MAP3K7: variants seen among roughly 807,000 people sequenced by gnomAD.
MAP3K7 encodes TGF-beta activated kinase 1.
Under a neutral mutation model 84.8 loss-of-function variants are expected in MAP3K7, and 21 were observed. The observed-to-expected ratio is 0.25, with a 90% CI of 0.18 to 0.36. The LOEUF (loss-of-function observed/expected upper bound fraction) is 0.36, where lower values mean the gene tolerates loss of function less well. Ranked by LOEUF, MAP3K7 falls within the 10% of genes least tolerant of loss-of-function variation. The pLI is 1.00. For synonymous variants in MAP3K7, 241 were observed against 247.7 expected (o/e 0.97, Z 0.25); for missense variants, 503 against 747.7 (o/e 0.67, Z 3.82).
intron 13 of MAP3K7, among the ~76,000 whole-genome samples, chr6:90,525,604 G>A (rs964893725): frequency 2.6e-5 from 4 of 152,146 alleles, no homozygotes; most frequent in Non-Finnish European, 5.9e-5. Flanking sequence ...GTCTTGCTCT[G>A]TTGCCCAGGC....
rs1358139769 is a variant in MAP3K7 at position 90,586,316 on chromosome 6, G to T, written c.120+448C>A. Among the ~76,000 whole-genome samples the T allele has an allele frequency of 4.8e-5, 7 of 146,484 alleles. No individual in the cohort carries two copies. The South Asian group carries it at 1.3e-3, about 27-fold the overall frequency. On this transcript the variant is annotated intron_variant, in intron 1 of 16. Transcript: ENST00000369329. ...GAACCCGGGAAGCGGAGCTTGCAGT[G>T]AGCCGAGATTGCGCCACTGCAGTCC...
In MAP3K7 at chr6:90,519,406, T is replaced by C. The variant is rs1775075592; in HGVS notation, c.1463-87A>G. 6 of 806,948 alleles carry C rather than the reference T, an allele frequency of 7.4e-6. No individual in the cohort carries two copies. The South Asian group carries it at 8.0e-5, about 11-fold the overall frequency. The allele number at this position is 806,948 out of a possible 1,614,324, so 50.0% of individuals were successfully genotyped here. ...GAAAGCATGAATGAAATGCTTTTTT[T>C]CCCTAAAGTAAATAATATGTAAATT... On this transcript the variant is annotated intron_variant, in intron 14 of 16. Coordinates refer to ENST00000369329, the MANE Select transcript of MAP3K7 (RefSeq NM_145331.3).
In MAP3K7 at chr6:90,523,778, G is replaced by A; in HGVS notation, c.1362C>T (p.Ser454=). 1 of 1,580,556 alleles carries A rather than the reference G, an allele frequency of 6.3e-7. No individual in the cohort carries two copies. Among genetic ancestry groups the A allele is most frequent in the African/African-American group, 1.3e-5 (1 of 74,262 alleles). ...TVTGTEPGQV[S]SRSSSPSVRM... The stretch of plus-strand genomic sequence containing the variant: ...TGACACTGGGACTGGATGACCTACT[G>A]CTCACCTACAGGAAGAAGTCACAGG... The change falls in exon 14 of 17, where the codon AGC becomes AGT. Residue 454 remains serine, a synonymous_variant. Coordinates refer to ENST00000369329, the MANE Select transcript of MAP3K7 (RefSeq NM_145331.3).
chr6:90,553,328 C>G, intron 7 of MAP3K7, 130 bp downstream of exon 7: 2 of 922,614 alleles, frequency 2.2e-6, no homozygotes. Flanking sequence ...AATAGCAAAG[C>G]AGTCTCTTAA....
chr6:90,572,656 G>A (rs1013690353), intron 1 of MAP3K7, among the ~76,000 whole-genome samples: 9 of 151,484 alleles, frequency 5.9e-5, no homozygotes, highest in Non-Finnish European at 8.8e-5. Context: ...CACTTCAAAT[G>A]GGTGAATTTT....
Position 90,553,438 on chromosome 6 carries a change from A to T in MAP3K7, c.736+20T>A, listed in dbSNP as rs1242096692. 1 of 1,601,790 alleles carries T rather than the reference A, an allele frequency of 6.2e-7. No individual in the cohort carries two copies. The highest frequency in any genetic ancestry group is 8.5e-7 in the Non-Finnish European group (1 of 1,176,268). ...AGAAAACACAAAAAGTACTTTTAAG[A>T]AAAATTTCTTTTTACGAACCATTAT... On this transcript the variant is annotated intron_variant, in intron 7 of 16. Coordinates refer to ENST00000369329, the MANE Select transcript of MAP3K7 (RefSeq NM_145331.3).
chr6:90,561,581 A>T, intron 4 of MAP3K7, 41 bp downstream of exon 4: 1 of 1,479,048 alleles, frequency 6.8e-7, no homozygotes, highest in Non-Finnish European at 9.3e-7. Flanking sequence ...TTTTCAAATT[A>T]TTTTAATCCA....
intron 1 of MAP3K7, among the ~76,000 whole-genome samples, chr6:90,584,637 T>C (rs964308212): frequency 3.3e-5 from 5 of 152,144 alleles, no homozygotes; most frequent in Non-Finnish European, 7.4e-5. Context: ...AGTAATTTGT[T>C]TTTCCCTGAA....
intron 10 of MAP3K7, 89 bp from the exon 11 acceptor site, chr6:90,547,476 G>A (rs954123728): frequency 2.9e-6 from 4 of 1,379,752 alleles, no homozygotes; most frequent in Non-Finnish European, 4.0e-6. Flanking sequence ...TGGCAAATGG[G>A]ATTCTGATAG....
rs748064557 is a variant in MAP3K7, at chr6:90,547,402, G to A, written c.1081-15C>T. The stretch of plus-strand genomic sequence containing the variant: ...CCAGATTCACTCTGTTAAAATTACA[G>A]GTCAATCTGAATTACTGAAGTTCTT... On this transcript the variant is annotated splice_polypyrimidine_tract_variant and intron_variant, in intron 10 of 16. Coordinates refer to ENST00000369329, the MANE Select transcript of MAP3K7 (RefSeq NM_145331.3). 5 of 1,606,174 alleles carry A rather than the reference G, an allele frequency of 3.1e-6. No homozygotes were observed. The African/African-American group carries it at 4.0e-5, about 13-fold the overall frequency.
At position 90,516,358 on chromosome 6, in the gene MAP3K7, T is replaced by C. The variant is rs955372987; in HGVS notation, c.*143A>G. On this transcript the variant is annotated 3_prime_UTR_variant, in exon 17 of 17. Transcript: ENST00000369329. ...ACCATGAGAAAAGGAAAATAAACAA[T>C]GAAAAAAATGCAGCAAATATAGGCA... is the stretch of plus-strand genomic sequence containing the variant. 2 of 775,580 alleles carry C rather than the reference T, an allele frequency of 2.6e-6. No homozygotes were observed. Among genetic ancestry groups the C allele is most frequent in the Non-Finnish European group, 2.1e-6 (1 of 469,586 alleles). 48.0% of individuals were successfully genotyped at this position (775,580 alleles called of 1,614,324 possible).
intron 6 of MAP3K7, among the ~76,000 whole-genome samples, chr6:90,555,327 C>T (rs1776300630): frequency 6.6e-6 from 1 of 151,882 alleles, no homozygotes; most frequent in Admixed American, 6.6e-5. Flanking sequence ...ACGATCTCGG[C>T]TCACTGCATG....
intron 2 of MAP3K7, among the ~76,000 whole-genome samples, chr6:90,568,914 C>T (rs773719085): frequency 3.3e-5 from 5 of 151,954 alleles, no homozygotes; most frequent in Admixed American, 6.6e-5. Flanking sequence ...GAACAAGGCA[C>T]GATGAGTATA....
At chr6:90,560,995 T>G (rs1305656011) in intron 4 of MAP3K7, among the ~76,000 whole-genome samples, 1 of 152,078 alleles carries the variant, frequency 6.6e-6, no homozygotes, top group Non-Finnish European at 1.5e-5. Flanking sequence ...GTATTAGATA[T>G]CCATCACAAT....
intron 1 of MAP3K7, among the ~76,000 whole-genome samples, chr6:90,582,108 C>T (rs1777291076): frequency 6.6e-6 from 1 of 152,112 alleles, no homozygotes; most frequent in Non-Finnish European, 1.5e-5. Context: ...CTTTTTAGCA[C>T]TCTGTAGTAA....
chr6:90,532,179 TAA>T (rs954518237), intron 13 of MAP3K7, among the ~76,000 whole-genome samples: 6 of 152,174 alleles, frequency 3.9e-5, no homozygotes, highest in East Asian at 3.9e-4. Context: ...CAATATGCGA[TAA>T]GAGACCTTTA....
intron 1 of MAP3K7, among the ~76,000 whole-genome samples, chr6:90,581,182 AC>A (rs576574143): frequency 4.1e-4 from 63 of 152,248 alleles, no homozygotes; most frequent in Non-Finnish European, 8.4e-4. Flanking sequence ...AAAGAAAACA[AC>A]CAAACACACA....
chr6:90,585,062 C>A (rs1447204450), intron 1 of MAP3K7, among the ~76,000 whole-genome samples: 2 of 152,122 alleles, frequency 1.3e-5, no homozygotes, highest in Non-Finnish European at 1.5e-5. Flanking sequence ...ATGTGTCAGG[C>A]CCTGTGGTAG....
chr6:90,556,121 A>C (rs1776331295), intron 6 of MAP3K7, among the ~76,000 whole-genome samples: 1 of 152,262 alleles, frequency 6.6e-6, no homozygotes, highest in Admixed American at 6.5e-5. Context: ...AGCATGCGTT[A>C]GATGACTCAA....
Sources: allele counts gnomAD v4.1 joint callset (sites outside exome capture counted in the v4.1 genomes callset), GRCh38; gene constraint gnomAD v4.1.1; transcripts MANE v1.5; gene names NCBI Gene and HGNC (gene_info 2026-07-23, HGNC 2026-07-21).